The following MSRA variants were observed in gnomAD, a reference collection of about 807,000 sequenced individuals.
The protein encoded by MSRA is methionine sulfoxide reductase A.
MSRA carries 54 observed loss-of-function variants against 31.3 expected under a neutral mutation model. The observed-to-expected ratio is 1.73, with a 90% CI of 1.39 to 2.17. The LOEUF (loss-of-function observed/expected upper bound fraction) is 2.17. Among genes scored for constraint, MSRA ranks in the 30% most tolerant of loss-of-function variants. MSRA has a pLI of 0.00. For synonymous variants in MSRA, 169 were observed against 116.5 expected, an observed-to-expected ratio of 1.45 and a Z score of -2.90; for missense variants, 507 against 300.9, an observed-to-expected ratio of 1.69 and a Z score of -5.07.
chr8:10,411,306 C>G (rs1176480191), intron 5 of MSRA: 1 of 152,186 alleles, frequency 6.6e-6, no homozygotes, highest in Non-Finnish European at 1.5e-5. Context: ...TGTGTTCACA[C>G]CGTGTCGTTT....
At chr8:10,237,146 AT>A (rs1318535382) in intron 2 of MSRA, among the ~76,000 whole-genome samples, 2 of 152,232 alleles carry the variant, frequency 1.3e-5, no homozygotes, top group Admixed American at 6.5e-5. Flanking sequence ...GGTTGGTCTC[AT>A]AACTAGGTTG....
At position 10,245,159 on chromosome 8, in the gene MSRA, T is replaced by C. The variant is rs756361715; in HGVS notation, c.267T>C (p.Tyr89=). 2.5e-6 allele frequency: 4 copies of C among 1,613,796 alleles called. No homozygotes were observed. The South Asian group carries it at 3.3e-5, about 13-fold the overall frequency. ...AATTCTGGGTCTTGAAAGGAGTGTATTCAACTCAAGTTGGTTTTGCAGGAG... is the reference window on the plus strand; with the variant it reads ...AATTCTGGGTCTTGAAAGGAGTGTACTCAACTCAAGTTGGTTTTGCAGGAG... The part of the protein sequence containing the change: ...ERKFWVLKGV[Y]STQVGFAGGY... The change falls in exon 3 of 6, where the codon TAT becomes TAC. Residue 89 remains tyrosine, a synonymous_variant. Coordinates refer to ENST00000317173, the MANE Select transcript of MSRA (RefSeq NM_012331.5).
At chr8:10,228,901 G>C (rs6999631) in intron 2 of MSRA, among the ~76,000 whole-genome samples, 127,327 of 152,084 alleles carry the variant, frequency 0.84, 55,888 homozygotes, top group Non-Finnish European at 0.96. Context: ...TCTTCATACT[G>C]TTTCCTAGAA....
intron 5 of MSRA, among the ~76,000 whole-genome samples, chr8:10,371,016 A>G (rs187733323): frequency 6.6e-6 from 1 of 152,262 alleles, no homozygotes; most frequent in Admixed American, 6.5e-5. Context: ...CCCTCTGCAA[A>G]TGATTCTTAC....
chr8:10,212,232 T>G (rs969439814), intron 2 of MSRA, among the ~76,000 whole-genome samples: 1 of 152,076 alleles, frequency 6.6e-6, no homozygotes, highest in Non-Finnish European at 1.5e-5. Flanking sequence ...CATAAATTTG[T>G]CATCCAAACT....
At chr8:10,342,612 G>T (rs768716839) in intron 5 of MSRA, among the ~76,000 whole-genome samples, 2 of 152,228 alleles carry the variant, frequency 1.3e-5, no homozygotes, top group African/African-American at 4.8e-5. Flanking sequence ...ATCTGAGGCC[G>T]TTGTATCACT....
intron 1 of MSRA, among the ~76,000 whole-genome samples, chr8:10,093,244 C>G (rs186554361): frequency 4.6e-5 from 7 of 152,124 alleles, no homozygotes; most frequent in Middle Eastern, 3.4e-3. Flanking sequence ...TTCTACGTAT[C>G]TTTGTCTTTT....
At chr8:10,400,005 G>T (rs1279886117) in intron 5 of MSRA, among the ~76,000 whole-genome samples, 1 of 152,188 alleles carries the variant, frequency 6.6e-6, no homozygotes, top group Non-Finnish European at 1.5e-5. Flanking sequence ...ATGTGGGAAG[G>T]CATGAAGGTT....
At chr8:10,102,176 T>A (rs184778810) in intron 1 of MSRA, among the ~76,000 whole-genome samples, 1 of 152,304 alleles carries the variant, frequency 6.6e-6, no homozygotes, top group East Asian at 1.9e-4. Context: ...GTTTATGTCT[T>A]TTGCTAAATT....
At chr8:10,424,601 A>G (rs1809019669) in intron 5 of MSRA, among the ~76,000 whole-genome samples, 1 of 147,312 alleles carries the variant, frequency 6.8e-6, no homozygotes, top group South Asian at 2.2e-4. Context: ...AGGGACAGGG[A>G]GAAGGGGCCA....
intron 1 of MSRA, among the ~76,000 whole-genome samples, chr8:10,115,265 A>G (rs901220418): frequency 6.6e-6 from 1 of 152,238 alleles, no homozygotes; most frequent in Non-Finnish European, 1.5e-5. Flanking sequence ...AGAACACTAG[A>G]AGAGTAACTG....
At chr8:10,400,378 T>TGTGTGTGTGTGTA (rs58129201) in intron 5 of MSRA, among the ~76,000 whole-genome samples, 31 of 110,364 alleles carry the variant, frequency 2.8e-4, no homozygotes, top group Admixed American at 7.2e-4. Context: ...TGTGTGTGTG[T>TGTGTGTGTGTGTA]GTGTGTAGTG....
At chr8:10,120,437 A>T (rs1001566486) in intron 1 of MSRA, among the ~76,000 whole-genome samples, 2 of 152,154 alleles carry the variant, frequency 1.3e-5, no homozygotes, top group Non-Finnish European at 2.9e-5. Flanking sequence ...ACATGTACAA[A>T]AGGGTAGTGA....
At chr8:10,122,214 A>T (rs1270008748) in intron 1 of MSRA, among the ~76,000 whole-genome samples, 1 of 152,144 alleles carries the variant, frequency 6.6e-6, no homozygotes, top group East Asian at 1.9e-4. Flanking sequence ...CTAGCATGTG[A>T]AGCATCCTAA....
intron 1 of MSRA, among the ~76,000 whole-genome samples, chr8:10,179,512 T>C (rs915123451): frequency 1.1e-4 from 17 of 152,230 alleles, no homozygotes; most frequent in Admixed American, 1.1e-3. Context: ...CAAGGTTTTG[T>C]CTTGGAATGG....
chr8:10,402,351 G>A lies in MSRA; in HGVS notation c.544-25797G>A, dbSNP rs911903216. On this transcript the variant is annotated intron_variant, in intron 5 of 5. Transcript: ENST00000317173. ...GGGCAGGGGACAGAGAACCGTGACA[G>A]GCCTCTGATGCTGAACGCCAAATGT... 5.9e-5 allele frequency among the ~76,000 whole-genome samples: 9 copies of A among 152,356 alleles called. No individual in the cohort carries two copies. The East Asian group carries it at 1.7e-3, about 29-fold the overall frequency.
At chr8:10,317,875 C>A (rs1365525846) in intron 4 of MSRA, among the ~76,000 whole-genome samples, 1 of 152,154 alleles carries the variant, frequency 6.6e-6, no homozygotes, top group Non-Finnish European at 1.5e-5. Context: ...TACTGTAGCT[C>A]ATGGGAGTCT....
chr8:10,410,113 C>T (rs1278745700), intron 5 of MSRA, among the ~76,000 whole-genome samples: 1 of 152,230 alleles, frequency 6.6e-6, no homozygotes, highest in Non-Finnish European at 1.5e-5. Context: ...AGATGATCCT[C>T]CGAGCCTGGG....
At chr8:10,283,826 T>TACACAC (rs1162031001) in intron 3 of MSRA, among the ~76,000 whole-genome samples, 4 of 68,392 alleles carry the variant, frequency 5.8e-5, no homozygotes, top group African/African-American at 1.6e-4. Context: ...TATATATATA[T>TACACAC]ATATATATAT....
Sources: allele counts gnomAD v4.1 joint callset (sites outside exome capture counted in the v4.1 genomes callset), GRCh38; gene constraint gnomAD v4.1.1; transcripts MANE v1.5; gene names NCBI Gene and HGNC (gene_info 2026-07-23, HGNC 2026-07-21).